Variants in KSR2 observed in about 807,000 individuals in gnomAD.
The protein encoded by KSR2 is kinase suppressor of ras 2.
KSR2 carries 25 observed loss-of-function variants against 107.8 expected under a neutral mutation model. The ratio of observed to expected loss-of-function variants is 0.23; its 90% confidence interval spans 0.17 to 0.32. The LOEUF (loss-of-function observed/expected upper bound fraction) is 0.32, where lower values mean the gene tolerates loss of function less well. KSR2 is among the 10% of genes least tolerant of loss of function. The probability of loss-of-function intolerance (pLI) is 1.00; values close to 1 mark genes in which losing one functional copy is unlikely to be tolerated. For synonymous variants in KSR2, 480 were observed against 507.0 expected, an observed-to-expected ratio of 0.95 and a Z score of 0.71; for missense variants, 887 against 1,268.9, an observed-to-expected ratio of 0.70 and a Z score of 4.57.
intron 3 of KSR2, among the ~76,000 whole-genome samples, chr12:117,776,474 T>C (rs1199615290): frequency 6.6e-6 from 1 of 152,112 alleles, no homozygotes; most frequent in Non-Finnish European, 1.5e-5. Context: ...CAGCCCAGAC[T>C]CACATGGGGC....
chr12:117,552,694 G>C (rs1877390759), intron 9 of KSR2, among the ~76,000 whole-genome samples: 1 of 152,204 alleles, frequency 6.6e-6, no homozygotes. Context: ...TAAAGAATCT[G>C]ACAGTAAATA....
chr12:117,656,003 C>T (rs1002479335), intron 5 of KSR2, among the ~76,000 whole-genome samples: 1 of 152,180 alleles, frequency 6.6e-6, no homozygotes, highest in Non-Finnish European at 1.5e-5. Context: ...AGGAAAAAAA[C>T]CACGACTTGC....
chr12:117,647,242 C>T (rs147525562), intron 5 of KSR2, among the ~76,000 whole-genome samples: 7 of 152,288 alleles, frequency 4.6e-5, no homozygotes, highest in African/African-American at 1.7e-4. Context: ...TGCCCACCTC[C>T]GCCTGCCTGG....
At chr12:117,822,446 G>T (rs1284871566) in intron 3 of KSR2, among the ~76,000 whole-genome samples, 1 of 152,102 alleles carries the variant, frequency 6.6e-6, no homozygotes, top group Non-Finnish European at 1.5e-5. Flanking sequence ...CTACAAAGGG[G>T]TTACGTCCAG....
At chr12:117,503,444 G>A (rs1157871702) in intron 14 of KSR2, among the ~76,000 whole-genome samples, 1 of 152,120 alleles carries the variant, frequency 6.6e-6, no homozygotes, top group African/African-American at 2.4e-5. Context: ...GCCTGGTTGG[G>A]GTATTTTAAA....
chr12:117,467,919 GT>G (rs5801231), intron 19 of KSR2: 35,465 of 290,798 alleles, frequency 0.12, 2,900 homozygotes, highest in African/African-American at 0.29. Flanking sequence ...ACAGTCCTGT[GT>G]TTTTTTTTTT....
At chr12:117,903,488 G>A (rs1180604614) in intron 1 of KSR2, among the ~76,000 whole-genome samples, 1 of 152,198 alleles carries the variant, frequency 6.6e-6, no homozygotes, top group Non-Finnish European at 1.5e-5. Flanking sequence ...TTTTATTTAA[G>A]TGTTCATTGT....
At chr12:117,499,642 C>T (rs773688061) in intron 14 of KSR2, among the ~76,000 whole-genome samples, 9 of 152,204 alleles carry the variant, frequency 5.9e-5, no homozygotes, top group Non-Finnish European at 1.3e-4. Flanking sequence ...CAGGGTTTAG[C>T]CCACTCTGGT....
intron 3 of KSR2, among the ~76,000 whole-genome samples, chr12:117,806,346 A>G (rs891945365): frequency 2.1e-4 from 32 of 152,160 alleles, no homozygotes; most frequent in African/African-American, 6.8e-4. Context: ...CTAGGAGTGA[A>G]GCCCAGGCAG....
At chr12:117,538,657 C>A (rs113064753) in intron 10 of KSR2, among the ~76,000 whole-genome samples, 1 of 152,182 alleles carries the variant, frequency 6.6e-6, no homozygotes, top group Non-Finnish European at 1.5e-5. Context: ...CCATTCAGTA[C>A]GGCAGCCACC....
intron 4 of KSR2, among the ~76,000 whole-genome samples, chr12:117,709,664 G>A (rs962250250): frequency 1.3e-5 from 2 of 152,204 alleles, no homozygotes; most frequent in Admixed American, 6.5e-5. Context: ...GGACACAGCG[G>A]TTAGCAAAAC....
At position 117,476,578 on chromosome 12, in the gene KSR2, C is replaced by A; in HGVS notation, c.2468G>T (p.Arg823Leu). Reference sequence around the variant, plus strand: ...GTGGCATAGCCAGCCATTCTGGATGCGCAGTTTGTCCTCCCGCCTGGAGAA... The same window carrying A: ...GTGGCATAGCCAGCCATTCTGGATGAGCAGTTTGTCCTCCCGCCTGGAGAA... ...LQAGRREDKL[R>L]IQNGWLCHLA... The change falls in exon 17 of 20, where the codon CGC becomes CTC. Residue 823 changes from arginine (R) to leucine (L), a missense_variant. Coordinates refer to ENST00000339824, the MANE Select transcript of KSR2 (RefSeq NM_173598.6). The A allele has an allele frequency of 6.2e-7, 1 of 1,611,146 alleles. No individual in the cohort carries two copies. Among genetic ancestry groups the A allele is most frequent in the Non-Finnish European group, 8.5e-7 (1 of 1,178,840 alleles).
At chr12:117,792,623 C>T (rs775636745) in intron 3 of KSR2, among the ~76,000 whole-genome samples, 10 of 152,186 alleles carry the variant, frequency 6.6e-5, no homozygotes, top group Non-Finnish European at 1.5e-4. Flanking sequence ...GCAGCCTCTC[C>T]CAGCCCCGCG....
At chr12:117,732,979 C>G (rs1424518791) in intron 4 of KSR2, among the ~76,000 whole-genome samples, 1 of 152,200 alleles carries the variant, frequency 6.6e-6, no homozygotes, top group Non-Finnish European at 1.5e-5. Flanking sequence ...CTCCCATTGA[C>G]TTCTGCTCAG....
At chr12:117,946,990 C>A (rs1185106178) in intron 1 of KSR2, among the ~76,000 whole-genome samples, 2 of 151,224 alleles carry the variant, frequency 1.3e-5, no homozygotes, top group Non-Finnish European at 2.9e-5. Context: ...CATAGTGAAA[C>A]CCTGTCTCTA....
intron 1 of KSR2, among the ~76,000 whole-genome samples, chr12:117,917,108 G>A (rs1895201203): frequency 2.0e-5 from 3 of 152,186 alleles, no homozygotes; most frequent in African/African-American, 4.8e-5. Context: ...CCCCAAAGTC[G>A]TGACAATGAA....
chr12:117,828,395 G>T (rs936186873), intron 3 of KSR2, among the ~76,000 whole-genome samples: 1 of 152,170 alleles, frequency 6.6e-6, no homozygotes, highest in Non-Finnish European at 1.5e-5. Flanking sequence ...CCTTTGCAAC[G>T]TGCTATCCTG....
chr12:117,897,106 T>C lies in KSR2; in HGVS notation c.181-36675A>G, dbSNP rs573294598. Among the ~76,000 whole-genome samples the C allele has an allele frequency of 2.6e-5, 4 of 152,316 alleles. No homozygotes were observed. The South Asian group carries it at 6.2e-4, about 24-fold the overall frequency. On this transcript the variant is annotated intron_variant, in intron 1 of 19. Coordinates refer to ENST00000339824, the MANE Select transcript of KSR2 (RefSeq NM_173598.6). The surrounding 1 kb of genome is among the most constrained non-coding windows in gnomAD (Gnocchi z 4.5). The stretch of plus-strand genomic sequence containing the variant: ...CCTCTTCGCCCAAGTCTACCGGGAC[T>C]GATGTTCAGCTTGAGGGAGTAGCGG...
At chr12:117,762,646 C>G (rs1889079779) in intron 3 of KSR2, among the ~76,000 whole-genome samples, 1 of 152,156 alleles carries the variant, frequency 6.6e-6, no homozygotes. Flanking sequence ...GGGCAGATTA[C>G]TTGAGGTCAC....
Sources: gnomAD v4.1 joint callset for allele counts (sites outside exome capture counted in the v4.1 genomes callset) on GRCh38, gnomAD v4.1.1 for gene constraint, Gnocchi (gnomAD v3.1) non-coding constraint, MANE v1.5 for transcripts, NCBI Gene and HGNC (gene_info 2026-07-23, HGNC 2026-07-21) for gene names.